Variants in POMGNT2 observed in about 807,000 individuals in gnomAD.
POMGNT2 encodes protein O-linked mannose N-acetylglucosaminyltransferase 2 (beta 1,4-).
Under a neutral mutation model 37.8 loss-of-function variants are expected in POMGNT2, and 32 were observed. The observed-to-expected ratio is 0.85, with a 90% CI of 0.64 to 1.14. The LOEUF is 1.14. Ranked by LOEUF, POMGNT2 falls within the 50% of genes most tolerant of loss-of-function variation. The pLI, the probability that POMGNT2 is intolerant of heterozygous loss-of-function variation, is 0.00. For missense variants in POMGNT2, 705 were observed against 780.6 expected, an observed-to-expected ratio of 0.90 and a Z score of 1.15; for synonymous variants, 340 against 336.8, an observed-to-expected ratio of 1.01 and a Z score of -0.10.
intron 1 of POMGNT2, among the ~76,000 whole-genome samples, chr3:43,092,199 T>C (rs2089949081): frequency 6.6e-6 from 1 of 152,256 alleles, no homozygotes; most frequent in East Asian, 1.9e-4. Context: ...AAATGGTTTA[T>C]GTAACTTTTT....
At chr3:43,105,003 T>C (rs1265531622) in intron 1 of POMGNT2, among the ~76,000 whole-genome samples, 1 of 152,240 alleles carries the variant, frequency 6.6e-6, no homozygotes, top group Non-Finnish European at 1.5e-5. Flanking sequence ...CCTCTGTCTA[T>C]GCTCTTAGCT....
intron 1 of POMGNT2, among the ~76,000 whole-genome samples, chr3:43,101,287 C>T (rs1458639206): frequency 6.6e-6 from 1 of 152,196 alleles, no homozygotes; most frequent in African/African-American, 2.4e-5. Context: ...AGGTGGAGCT[C>T]AGCATGGTCA....
intron 1 of POMGNT2, among the ~76,000 whole-genome samples, chr3:43,086,345 GAGGATCACCA>G (rs2089898007): frequency 6.6e-6 from 1 of 152,200 alleles, no homozygotes; most frequent in Non-Finnish European, 1.5e-5. Flanking sequence ...TCAGGAAGAT[GAGGATCACCA>G]TTTAGCTTGC....
chr3:43,093,097 C>T (rs1021539575), intron 1 of POMGNT2, among the ~76,000 whole-genome samples: 6 of 152,176 alleles, frequency 3.9e-5, no homozygotes, highest in Non-Finnish European at 8.8e-5. Flanking sequence ...TGCCACCTGC[C>T]CCTCTCTTAG....
rs548747822 is a variant in POMGNT2, at chr3:43,080,949, G to C, written c.483C>G (p.Pro161=). 6.2e-7 allele frequency: 1 copy of C among 1,614,166 alleles called. No individual in the cohort carries two copies. The change falls in exon 2 of 2, where the codon CCC becomes CCG. Residue 161 remains proline, a synonymous_variant. Transcript: ENST00000344697. ...CATGAAAGACGTGCATGAGGTTGTC[G>C]GGGTTGAAGCGGTTGGCGATGAGGG... ...DVALIANRFN[P]DNLMHVFHDD... is the part of the protein sequence containing the mutation.
chr3:43,081,208 G>A lies in POMGNT2; in HGVS notation c.224C>T (p.Thr75Ile), dbSNP rs562978457. ...CCACTTGAAGCGGCAGATGCGGTCT[G>A]TGTGCGTGCGGCCCGTGCACACCAT... Reference protein sequence around the residue: ...THMVCTGRTHTDRICRFKWLC... With the variant: ...THMVCTGRTHIDRICRFKWLC... Residue 75 changes from threonine (T) to isoleucine (I), a missense_variant, in exon 2 of 2, where the codon ACA becomes ATA. Coordinates refer to ENST00000344697, the MANE Select transcript of POMGNT2 (RefSeq NM_032806.6). 3 of 1,614,132 alleles carry A rather than the reference G, an allele frequency of 1.9e-6. No homozygotes were observed. The South Asian group carries it at 3.3e-5, about 18-fold the overall frequency.
chr3:43,101,030 G>A (rs916445188), intron 1 of POMGNT2, among the ~76,000 whole-genome samples: 4 of 152,230 alleles, frequency 2.6e-5, no homozygotes, highest in Non-Finnish European at 5.9e-5. Flanking sequence ...CTGGAGAAAA[G>A]AAGCCCCTGC....
chr3:43,100,108 T>C (rs577105361), intron 1 of POMGNT2, among the ~76,000 whole-genome samples: 1 of 151,748 alleles, frequency 6.6e-6, no homozygotes, highest in Non-Finnish European at 1.5e-5. Flanking sequence ...CAAAGAACTC[T>C]CCTACACTCT....
At chr3:43,088,011 TG>T (rs1458145067) in intron 1 of POMGNT2, 1 of 152,230 alleles carries the variant, frequency 6.6e-6, no homozygotes, top group East Asian at 1.9e-4. Flanking sequence ...ATTTTGTGAA[TG>T]GTGATACTCA....
At position 43,081,455 on chromosome 3, in the gene POMGNT2, A is replaced by G; in HGVS notation, c.-24T>C. 6.6e-7 allele frequency: 1 copy of G among 1,507,856 alleles called. No individual in the cohort carries two copies. Among genetic ancestry groups the G allele is most frequent in the Non-Finnish European group, 8.9e-7 (1 of 1,128,706 alleles). 93.4% of individuals were successfully genotyped at this position (1,507,856 alleles called of 1,614,324 possible). A position where few individuals can be genotyped will look rare whatever the true frequency, so the allele number is the denominator to read the frequency against. ...ATCCTAATGCCACTGTGGGGCCCTA[A>G]TGAGATGACGGCCACTGGGAAGCAC... On this transcript the variant is annotated 5_prime_UTR_variant, in exon 2 of 2. Coordinates refer to ENST00000344697, the MANE Select transcript of POMGNT2 (RefSeq NM_032806.6).
chr3:43,084,430 G>C (rs972213085), intron 1 of POMGNT2, among the ~76,000 whole-genome samples: 1 of 152,102 alleles, frequency 6.6e-6, no homozygotes, highest in Non-Finnish European at 1.5e-5. Flanking sequence ...TGGATCACGA[G>C]GTCAGGAGTT....
At position 43,102,176 on chromosome 3, in the gene POMGNT2, C is replaced by A. The variant is rs61238584; in HGVS notation, c.-106+3660G>T. Among the ~76,000 whole-genome samples the A allele has an allele frequency of 6.2e-3, 942 of 152,250 alleles. 8 individuals are homozygous for A. Among genetic ancestry groups the A allele is most frequent in the African/African-American group, 0.017 (693 of 41,552 alleles). ...AACTGTGGCAACTCCAGATGCCACT[C>A]CAGGATGTGCCATGATTCCTGCCAC... On this transcript the variant is annotated intron_variant, in intron 1 of 1. Transcript: ENST00000344697.
chr3:43,103,151 A>G (rs1403091728), intron 1 of POMGNT2, among the ~76,000 whole-genome samples: 3 of 152,154 alleles, frequency 2.0e-5, no homozygotes, highest in African/African-American at 7.2e-5. Context: ...TTAGAGCTAC[A>G]AGAACCCTTA....
At chr3:43,092,451 C>A (rs2089950963) in intron 1 of POMGNT2, among the ~76,000 whole-genome samples, 1 of 152,090 alleles carries the variant, frequency 6.6e-6, no homozygotes, top group Non-Finnish European at 1.5e-5. Context: ...GCACGGGCCA[C>A]CAGCCTGGCT....
At chr3:43,099,603 G>A (rs1235283120) in intron 1 of POMGNT2, among the ~76,000 whole-genome samples, 1 of 152,192 alleles carries the variant, frequency 6.6e-6, no homozygotes, top group Non-Finnish European at 1.5e-5. Context: ...TGTGGGGCAG[G>A]CACAGAAGTG....
At chr3:43,092,947 CG>C (rs1347852310) in intron 1 of POMGNT2, among the ~76,000 whole-genome samples, 5 of 152,126 alleles carry the variant, frequency 3.3e-5, no homozygotes, top group Non-Finnish European at 5.9e-5. Context: ...ACATTTTGCC[CG>C]GATCAAAGAA....
At position 43,079,563 on chromosome 3, in the gene POMGNT2, A is replaced by C. The variant is rs575514680; in HGVS notation, c.*126T>G. ...TGTGACACCACACCCCAGAGACAAC[A>C]AGATGATGTGGAGGCACAGGCCTGC... On this transcript the variant is annotated 3_prime_UTR_variant, in exon 2 of 2. Coordinates refer to ENST00000344697, the MANE Select transcript of POMGNT2 (RefSeq NM_032806.6). The C allele has an allele frequency of 2.0e-5, 16 of 815,812 alleles. No individual in the cohort carries two copies. The African/African-American group carries it at 2.4e-4, about 12-fold the overall frequency. The allele number at this position is 815,812 out of a possible 1,614,324, so 50.5% of individuals were successfully genotyped here.
chr3:43,088,240 G>A (rs1450393905), intron 1 of POMGNT2, among the ~76,000 whole-genome samples: 4 of 152,210 alleles, frequency 2.6e-5, no homozygotes, highest in Non-Finnish European at 5.9e-5. Flanking sequence ...GGTGAGGCAG[G>A]CACTGTCACT....
In POMGNT2 at chr3:43,081,152, T is replaced by C; in HGVS notation, c.280A>G (p.Ile94Val). 1 of 1,614,168 alleles carries C rather than the reference T, an allele frequency of 6.2e-7. No homozygotes were observed. ...LCYSNEAEEF[I>V]FFHGNTSVML... ...ACAGAGGTGTTGCCATGGAAGAAGA[T>C]GAACTCCTCAGCCTCGTTGGAGTAG... Residue 94 changes from isoleucine (I) to valine (V), a missense_variant, in exon 2 of 2, where the codon ATC becomes GTC. Ile to Val is a conservative substitution (Grantham distance 29, BLOSUM62 3). Transcript: ENST00000344697.
Sources: allele counts gnomAD v4.1 joint callset (sites outside exome capture counted in the v4.1 genomes callset), GRCh38; gene constraint gnomAD v4.1.1; transcripts MANE v1.5; gene names NCBI Gene and HGNC (gene_info 2026-07-23, HGNC 2026-07-21).